CROCC2: variants seen among roughly 807,000 people sequenced by gnomAD.
CROCC2 encodes ciliary rootlet coiled-coil, rootletin family member 2.
Under a neutral mutation model 177.6 loss-of-function variants are expected in CROCC2, and 163 were observed. The ratio of observed to expected loss-of-function variants is 0.92; its 90% CI spans 0.81 to 1.05. The LOEUF is 1.05. CROCC2 is among the 50% of genes least tolerant of loss of function. The probability of loss-of-function intolerance (pLI) is 0.00; values close to 1 mark genes in which losing one functional copy is unlikely to be tolerated. For synonymous variants in CROCC2, 904 were observed against 787.3 expected (o/e 1.15, Z -2.48); for missense variants, 1,929 against 1,797.8 (o/e 1.07, Z -1.32).
At chr2:240,969,221 G>A (rs1364408513) in intron 27 of CROCC2, among the ~76,000 whole-genome samples, 13 of 152,346 alleles carry the variant, frequency 8.5e-5, no homozygotes, top group African/African-American at 2.9e-4. Context: ...CAGGTTGGCA[G>A]AAAGGCCCCA....
At chr2:240,974,056 G>A (rs979437820) in intron 27 of CROCC2, among the ~76,000 whole-genome samples, 10 of 152,176 alleles carry the variant, frequency 6.6e-5, no homozygotes, top group East Asian at 5.8e-4. Flanking sequence ...CATTCAATAC[G>A]TTGCCAAAGA....
intron 2 of CROCC2, among the ~76,000 whole-genome samples, chr2:240,919,137 G>A (rs528763480): frequency 1.3e-3 from 180 of 143,074 alleles, no homozygotes; most frequent in African/African-American, 4.4e-3. Flanking sequence ...AGGTGACAGC[G>A]TGGGGGACAG....
chr2:240,992,087 C>T (rs906209363), intron 31 of CROCC2, among the ~76,000 whole-genome samples: 5 of 152,344 alleles, frequency 3.3e-5, no homozygotes, highest in South Asian at 2.1e-4. Context: ...TGTGGGACTC[C>T]GGCTGGGTTG....
At chr2:240,991,345 G>T in intron 31 of CROCC2, 67 bp downstream of exon 31, 1 of 1,419,588 alleles carries the variant, frequency 7.0e-7, no homozygotes, top group Non-Finnish European at 9.5e-7. Context: ...GGGGCAGGCG[G>T]CCCTGGGGAA....
At chr2:240,970,703 A>G (rs956722238) in intron 27 of CROCC2, among the ~76,000 whole-genome samples, 1 of 152,002 alleles carries the variant, frequency 6.6e-6, no homozygotes, top group East Asian at 1.9e-4. Flanking sequence ...CCTGCTCCCC[A>G]GGGGGGCTCT....
At chr2:240,945,982 C>T in intron 14 of CROCC2, 78 bp from the exon 15 acceptor site, 1 of 1,152,058 alleles carries the variant, frequency 8.7e-7, no homozygotes, top group Non-Finnish European at 1.2e-6. Flanking sequence ...GAAGTCCTTT[C>T]TTCCCCTCAA....
rs1354259160 is a variant in CROCC2, at chr2:240,972,024, G to A, written c.4401+3762G>A. 6.6e-6 allele frequency among the ~76,000 whole-genome samples: 1 copy of A among 152,104 alleles called. No individual in the cohort carries two copies. Among genetic ancestry groups the A allele is most frequent in the Non-Finnish European group, 1.5e-5 (1 of 68,044 alleles). On this transcript the variant is annotated intron_variant, in intron 27 of 31. Transcript: ENST00000690015. This position sits in a 1 kb window ranked among gnomAD's most constrained non-coding sequence, Gnocchi z 7.1. ...AACACTAGTTACCATCTTCTGGTGT[G>A]TGTCAGTAGCTCACTTCTCTGTTTA...
intron 28 of CROCC2, among the ~76,000 whole-genome samples, chr2:240,983,852 C>G (rs1287735225): frequency 2.0e-5 from 3 of 152,184 alleles, no homozygotes; most frequent in Non-Finnish European, 4.4e-5. Flanking sequence ...TTGCTGGAAA[C>G]CGAGTGGCCT....
At position 240,966,361 on chromosome 2, in the gene CROCC2, C is replaced by T. The variant is rs2059684410; in HGVS notation, c.4098C>T (p.Asp1366=). 2.5e-6 allele frequency: 1 copy of T among 403,632 alleles called. No homozygotes were observed. The highest frequency in any genetic ancestry group is 4.4e-6 in the Non-Finnish European group (1 of 228,466). The allele number at this position is 403,632 out of a possible 1,614,324, so 25.0% of individuals were successfully genotyped here. ...SELMDVATVQ[D]ILRDFVQKLR... ...TCATGGATGTGGCCACCGTGCAGGA[C>T]ATCCTGCGGGACTTTGTGCAGAAGC... Residue 1366 remains aspartate (D), a synonymous_variant, in exon 25 of 32, where the codon GAC becomes GAT. Transcript: ENST00000690015.
In CROCC2 at chr2:240,958,588, G is replaced by C; in HGVS notation, c.2944-713G>C. 1 of 985,308 alleles carries C rather than the reference G, an allele frequency of 1.0e-6. No homozygotes were observed. The highest frequency in any genetic ancestry group is 1.2e-6 in the Non-Finnish European group (1 of 829,812). 61.0% of individuals were successfully genotyped at this position (985,308 alleles called of 1,614,324 possible). A position where few individuals can be genotyped will look rare whatever the true frequency, so the allele number is the denominator to read the frequency against. ...ATCCCCCACCAGCCGCCCCCCGCCA[G>C]CCGCCTGCTGCTGCCTGGAGGCTTG... On this transcript the variant is annotated intron_variant, in intron 19 of 31. Transcript: ENST00000690015. This position sits in a 1 kb window ranked among gnomAD's most constrained non-coding sequence, Gnocchi z 6.7.
chr2:240,936,150 G>A (rs770501473), intron 14 of CROCC2, among the ~76,000 whole-genome samples: 17 of 152,100 alleles, frequency 1.1e-4, no homozygotes, highest in East Asian at 1.9e-4. Flanking sequence ...CCCTCCTTCC[G>A]TTTTCAGATT....
chr2:240,930,710 G>A (rs1037989790), intron 6 of CROCC2, among the ~76,000 whole-genome samples: 1 of 152,126 alleles, frequency 6.6e-6, no homozygotes, highest in Non-Finnish European at 1.5e-5. Flanking sequence ...ACTCGGTGAA[G>A]GCTGCTGAAG....
chr2:240,968,165 G>C lies in CROCC2; in HGVS notation c.4304G>C (p.Arg1435Pro), dbSNP rs556159465. 6.5e-7 allele frequency: 1 copy of C among 1,526,842 alleles called. No individual in the cohort carries two copies. 94.6% of individuals were successfully genotyped at this position (1,526,842 alleles called of 1,614,324 possible). The change falls in exon 27 of 32, where the codon CGG becomes CCG. Residue 1435 changes from arginine (R) to proline (P), a missense_variant. Physicochemically the swap from Arg to Pro is moderately radical, Grantham distance 103 (BLOSUM62 -2). Transcript: ENST00000690015. ...GTGGAGGGCGCGCTGAGCAGCGCCC[G>C]GGCAGCACGTGCCCTGCAGAAGGAG... ...RRVEGALSSA[R>P]AARALQKEAL... is the part of the protein sequence containing the mutation.
In CROCC2 at chr2:240,964,525, C is replaced by T. The variant is rs774146966; in HGVS notation, c.3365C>T (p.Ala1122Val). The T allele has an allele frequency of 2.5e-5, 38 of 1,549,204 alleles. No individual in the cohort carries two copies. Among genetic ancestry groups the T allele is most frequent in the Middle Eastern group, 2.0e-4 (1 of 5,096 alleles). ...QKLLILEEAQ[A>V]ALQQEASALR... ...CTGCTCATCCTGGAGGAGGCCCAGG[C>T]GGCGTTGCAGCAGGAGGCCAGTGCA... The change falls in exon 22 of 32, where the codon GCG becomes GTG. Residue 1122 changes from alanine (A) to valine (V), a missense_variant. Transcript: ENST00000690015.
chr2:240,916,533 C>T lies in CROCC2; in HGVS notation c.79-2193C>T, dbSNP rs188930797. ...CCCCCCGTGTCCCCCTGAACGCCCC[C>T]TGCGCTCCCCCCGCGCTCCCCGCGC... On this transcript the variant is annotated intron_variant, in intron 1 of 31. Coordinates refer to ENST00000690015, the MANE Select transcript of CROCC2 (RefSeq NM_001351305.2). Among the ~76,000 whole-genome samples the T allele has an allele frequency of 9.7e-3, 1,327 of 136,238 alleles. 72 individuals are homozygous for T. The East Asian group carries it at 0.15, about 15-fold the overall frequency. 89.4% of individuals were successfully genotyped at this position (136,238 alleles called of 152,430 possible).
At chr2:240,967,293 C>T (rs1167497678) in intron 25 of CROCC2, 52 bp from the exon 26 acceptor site, 1 of 621,360 alleles carries the variant, frequency 1.6e-6, no homozygotes. Context: ...GACACCTTGG[C>T]CCTCCACCCG....
intron 31 of CROCC2, among the ~76,000 whole-genome samples, chr2:240,992,683 C>T (rs758539410): frequency 1.2e-4 from 19 of 152,182 alleles, no homozygotes; most frequent in African/African-American, 3.1e-4. Flanking sequence ...ACAGGTGCCC[C>T]GATAGGCACC....
Position 240,989,772 on chromosome 2 carries a change from CGCAGGCCCT to C in CROCC2, c.4804_4812del (p.Gln1602_Leu1604del), listed in dbSNP as rs774863958. 5.2e-6 allele frequency: 8 copies of C among 1,550,084 alleles called. No individual in the cohort carries two copies. The South Asian group carries it at 8.3e-5, about 16-fold the overall frequency. On this transcript the variant is annotated inframe_deletion, in exon 30 of 32. Coordinates refer to ENST00000690015, the MANE Select transcript of CROCC2 (RefSeq NM_001351305.2). ...CTCCATGGGGCCCGGCCGCAGGCCA[CGCAGGCCCT>C]GGAGTCCCAAGAATGGACCCACCAG...
chr2:240,961,813 A>ACACG lies in CROCC2; in HGVS notation c.3088-1740_3088-1739insGCAC, dbSNP rs1231975443. ...CACGCACTCACACATACACTCACAT[A>ACACG]CACTCACACACACGCACGCACACAT... On this transcript the variant is annotated intron_variant, in intron 20 of 31. Coordinates refer to ENST00000690015, the MANE Select transcript of CROCC2 (RefSeq NM_001351305.2). Among the ~76,000 whole-genome samples, 2 of 27,774 alleles carry ACACG rather than the reference A, an allele frequency of 7.2e-5. 1 individual carries two copies. Among genetic ancestry groups the ACACG allele is most frequent in the Non-Finnish European group, 1.4e-4 (2 of 14,606 alleles). The allele number at this position is 27,774 out of a possible 152,430, so 18.2% of individuals were successfully genotyped here.
Sources: allele counts gnomAD v4.1 joint callset (sites outside exome capture counted in the v4.1 genomes callset), GRCh38; gene constraint gnomAD v4.1.1; non-coding constraint Gnocchi (gnomAD v3.1); transcripts MANE v1.5; gene names NCBI Gene and HGNC (gene_info 2026-07-23, HGNC 2026-07-21).